Variants in STX18 observed in about 807,000 individuals in gnomAD.
The protein encoded by STX18 is syntaxin 18.
A neutral mutation model predicts 50.1 loss-of-function variants in STX18; 40 were observed. The observed-to-expected ratio is 0.80, with a 90% CI of 0.62 to 1.04. The LOEUF (loss-of-function observed/expected upper bound fraction) is 1.04. Ranked by LOEUF, STX18 falls within the 50% of genes least tolerant of loss-of-function variation. The pLI, the probability that STX18 is intolerant of heterozygous loss-of-function variation, is 0.00. For missense variants in STX18, 410 were observed against 415.8 expected (o/e 0.99, Z 0.12); for synonymous variants, 158 against 151.8 (o/e 1.04, Z -0.30).
chr4:4,502,267 T>C (rs1051830115), intron 1 of STX18, among the ~76,000 whole-genome samples: 1 of 152,222 alleles, frequency 6.6e-6, no homozygotes, highest in African/African-American at 2.4e-5. Context: ...AACATTGTTT[T>C]AGTAAAGAAT....
At chr4:4,514,177 T>A (rs1234063403) in intron 1 of STX18, among the ~76,000 whole-genome samples, 1 of 152,178 alleles carries the variant, frequency 6.6e-6, no homozygotes, top group Non-Finnish European at 1.5e-5. Context: ...GCAAGGCTTC[T>A]CCAAGAATCA....
chr4:4,440,285 A>AT (rs1324682813), intron 5 of STX18, among the ~76,000 whole-genome samples: 4 of 152,198 alleles, frequency 2.6e-5, no homozygotes, highest in African/African-American at 9.6e-5. Context: ...TATAGTGGAC[A>AT]TTTTTTCTAA....
Position 4,457,207 on chromosome 4 carries a change from C to T in STX18, c.481G>A (p.Val161Met). ...AATACTTACAATCTTTTCTTATCCA[C>T]CACTCTTTTAACTCGGATGGCTCTC... Reference protein sequence around the residue: ...EQRAIRVKRVVDKKRLSKLEP... With the variant: ...EQRAIRVKRVMDKKRLSKLEP... Residue 161 changes from valine to methionine, a missense_variant, in exon 5 of 11, where the codon GTG becomes ATG. Coordinates refer to ENST00000306200, the MANE Select transcript of STX18 (RefSeq NM_016930.4). The T allele has an allele frequency of 6.2e-7, 1 of 1,614,020 alleles. No homozygotes were observed. Among genetic ancestry groups the T allele is most frequent in the Non-Finnish European group, 8.5e-7 (1 of 1,179,900 alleles).
At chr4:4,531,382 T>G (rs1008790856) in intron 1 of STX18, among the ~76,000 whole-genome samples, 3 of 152,230 alleles carry the variant, frequency 2.0e-5, no homozygotes, top group Non-Finnish European at 4.4e-5. Flanking sequence ...GCAGTTTGCT[T>G]CAACTAGGTC....
chr4:4,442,461 AC>A (rs1726166101), intron 5 of STX18, among the ~76,000 whole-genome samples: 1 of 152,160 alleles, frequency 6.6e-6, no homozygotes, highest in Non-Finnish European at 1.5e-5. Flanking sequence ...TACTAAAAAT[AC>A]AAAAATTAGC....
At chr4:4,491,621 A>C (rs1728945682) in intron 1 of STX18, among the ~76,000 whole-genome samples, 1 of 152,112 alleles carries the variant, frequency 6.6e-6, no homozygotes, top group South Asian at 2.1e-4. Flanking sequence ...GCCTTTTTTC[A>C]AAGCTGCTTA....
chr4:4,516,141 T>C (rs1381263490), intron 1 of STX18, among the ~76,000 whole-genome samples: 1 of 152,218 alleles, frequency 6.6e-6, no homozygotes, highest in Non-Finnish European at 1.5e-5. Flanking sequence ...GCTCCAAGTT[T>C]GAAAAGGTAA....
intron 2 of STX18, 21 bp from the exon 3 acceptor site, chr4:4,459,508 A>G (rs769716352): frequency 6.5e-7 from 1 of 1,548,280 alleles, no homozygotes; most frequent in African/African-American, 1.4e-5. Flanking sequence ...ACAGCAAAGG[A>G]AAGGGCAGCA....
intron 1 of STX18, among the ~76,000 whole-genome samples, chr4:4,504,937 T>A (rs1729629899): frequency 6.6e-6 from 1 of 152,312 alleles, no homozygotes; most frequent in Admixed American, 6.5e-5. Flanking sequence ...CTAATTCACA[T>A]AGCAAACAAT....
At chr4:4,447,372 G>A (rs1190858967) in intron 5 of STX18, among the ~76,000 whole-genome samples, 4 of 151,326 alleles carry the variant, frequency 2.6e-5, no homozygotes, top group African/African-American at 9.7e-5. Flanking sequence ...GGCGGATCAC[G>A]AGGTCAGGAG....
At chr4:4,511,091 C>A (rs983177372) in intron 1 of STX18, among the ~76,000 whole-genome samples, 1 of 152,178 alleles carries the variant, frequency 6.6e-6, no homozygotes, top group African/African-American at 2.4e-5. Flanking sequence ...TTGACAGGTA[C>A]AGCAAACCAC....
At chr4:4,476,656 G>A (rs1234191457) in intron 1 of STX18, among the ~76,000 whole-genome samples, 1 of 152,008 alleles carries the variant, frequency 6.6e-6, no homozygotes, top group East Asian at 1.9e-4. Flanking sequence ...ATGATATTAT[G>A]TACTAGGATT....
At chr4:4,429,242 G>A (rs1294691389) in intron 7 of STX18, among the ~76,000 whole-genome samples, 1 of 152,202 alleles carries the variant, frequency 6.6e-6, no homozygotes, top group Non-Finnish European at 1.5e-5. Context: ...TGTGTCACAT[G>A]CGCATTAGAC....
intron 7 of STX18, among the ~76,000 whole-genome samples, chr4:4,433,578 T>C: frequency 6.8e-6 from 1 of 146,430 alleles, no homozygotes; most frequent in Non-Finnish European, 1.5e-5. Flanking sequence ...TGTTCTGGGC[T>C]CTGGGTGAGG....
At position 4,457,107 on chromosome 4, in the gene STX18, T is replaced by A. The variant is rs1305388274; in HGVS notation, c.497+84A>T. 3 of 1,282,006 alleles carry A rather than the reference T, an allele frequency of 2.3e-6. No homozygotes were observed. In the African/African-American group the frequency reaches 4.5e-5, roughly 19 times the overall value. The allele number at this position is 1,282,006 out of a possible 1,614,324, so 79.4% of individuals were successfully genotyped here. A position where few individuals can be genotyped will look rare whatever the true frequency, so the allele number is the denominator to read the frequency against. On this transcript the variant is annotated intron_variant, in intron 5 of 10. Transcript: ENST00000306200. ...AGAAGTTCAAACACGGTACATTGCA[T>A]AGGGTAAGTGCTCTACAAACTTTAA...
At position 4,420,003 on chromosome 4, in the gene STX18, G is replaced by A. The variant is rs1724841537; in HGVS notation, c.*31C>T. The A allele has an allele frequency of 1.3e-6, 2 of 1,571,772 alleles. No homozygotes were observed. The highest frequency in any genetic ancestry group is 1.4e-5 in the African/African-American group (1 of 73,876). On this transcript the variant is annotated 3_prime_UTR_variant, in exon 11 of 11. Transcript: ENST00000306200. This position sits in a 1 kb window ranked among gnomAD's most constrained non-coding sequence, Gnocchi z 4.3. ...GCACGCAGTCTGTGAGTGCCCATGA[G>A]GACTCTCGTGCTGGGCCCCCGTGGC...
intron 1 of STX18, among the ~76,000 whole-genome samples, chr4:4,475,069 C>A (rs938073225): frequency 2.6e-5 from 4 of 152,160 alleles, no homozygotes; most frequent in Non-Finnish European, 5.9e-5. Flanking sequence ...GCTGCCCACC[C>A]CTACTTTTAG....
At chr4:4,441,948 G>A (rs1013375219) in intron 5 of STX18, among the ~76,000 whole-genome samples, 1 of 152,202 alleles carries the variant, frequency 6.6e-6, no homozygotes, top group African/African-American at 2.4e-5. Flanking sequence ...ATGGTAAAAT[G>A]TAAATGCTCG....
intron 2 of STX18, among the ~76,000 whole-genome samples, chr4:4,459,697 C>T (rs867598492): frequency 6.6e-5 from 10 of 152,064 alleles, no homozygotes; most frequent in Non-Finnish European, 8.8e-5. Flanking sequence ...GAAAATCCTC[C>T]GGAATAGACC....
Sources: allele counts gnomAD v4.1 joint callset (sites outside exome capture counted in the v4.1 genomes callset), GRCh38; gene constraint gnomAD v4.1.1; non-coding constraint Gnocchi (gnomAD v3.1); transcripts MANE v1.5; gene names NCBI Gene and HGNC (gene_info 2026-07-23, HGNC 2026-07-21).